Variants in TPCN1 observed in about 807,000 individuals in gnomAD.
TPCN1 encodes the protein two pore segment channel 1, also known as two pore channel protein 1.
A neutral mutation model predicts 108.8 loss-of-function variants in TPCN1; 52 were observed. The ratio of observed to expected loss-of-function variants is 0.48; its 90% confidence interval spans 0.38 to 0.60. The LOEUF is 0.60. Ranked by LOEUF, TPCN1 falls within the 20% of genes least tolerant of loss-of-function variation. The pLI is 0.00. For missense variants in TPCN1, 806 were observed against 1,072.8 expected, an observed-to-expected ratio of 0.75 and a Z score of 3.47; for synonymous variants, 446 against 433.7, an observed-to-expected ratio of 1.03 and a Z score of -0.35.
Position 113,279,391 on chromosome 12 carries a change from A to ATAT in TPCN1, c.1297+557_1297+558insATT, listed in dbSNP as rs1434381451. On this transcript the variant is annotated intron_variant, in intron 14 of 27. Coordinates refer to ENST00000335509, the MANE Select transcript of TPCN1 (RefSeq NM_017901.6). ...TATATATATATATATATATATATAT[A>ATAT]TTTTTTTTTTTTTTTTTTTTTTTTT... Among the ~76,000 whole-genome samples the ATAT allele has an allele frequency of 3.9e-3, 41 of 10,488 alleles. 1 individual carries two copies. The highest frequency in any genetic ancestry group is 0.011 in the South Asian group (1 of 92). 6.9% of individuals were successfully genotyped at this position (10,488 alleles called of 152,430 possible). A position where few individuals can be genotyped will look rare whatever the true frequency, so the allele number is the denominator to read the frequency against.
chr12:113,246,688 C>T (rs967924813), intron 2 of TPCN1, among the ~76,000 whole-genome samples: 3 of 152,174 alleles, frequency 2.0e-5, no homozygotes, highest in African/African-American at 4.8e-5. Context: ...GTGGTGAGGT[C>T]GTCCTGTCTT....
chr12:113,239,941 C>T (rs1312894336), intron 2 of TPCN1, among the ~76,000 whole-genome samples: 1 of 152,158 alleles, frequency 6.6e-6, no homozygotes. Flanking sequence ...TGGCTAATGG[C>T]TTGGAGCTGC....
chr12:113,288,226 G>C lies in TPCN1; in HGVS notation c.1698G>C (p.Arg566=). Reference sequence around the variant, plus strand: ...ACACCATGTTCGAGCTGCTGCCCCGGATGGCCAGGTACTGCCAGCCCCCAC... The same window carrying C: ...ACACCATGTTCGAGCTGCTGCCCCGCATGGCCAGGTACTGCCAGCCCCCAC... ...VLDTMFELLP[R]MASLGLTLLI... Residue 566 remains arginine (R), a synonymous_variant, in exon 20 of 28, where the codon CGG becomes CGC. Transcript: ENST00000335509. This position sits in a 1 kb window ranked among gnomAD's most constrained non-coding sequence, Gnocchi z 4.8. 1 of 1,613,862 alleles carries C rather than the reference G, an allele frequency of 6.2e-7. No individual in the cohort carries two copies. Among genetic ancestry groups the C allele is most frequent in the East Asian group, 2.2e-5 (1 of 44,870 alleles).
At chr12:113,238,946 C>T (rs1429630056) in intron 2 of TPCN1, among the ~76,000 whole-genome samples, 1 of 152,078 alleles carries the variant, frequency 6.6e-6, no homozygotes, top group Non-Finnish European at 1.5e-5. Flanking sequence ...GCTTGGACAA[C>T]ATAGTGAGAC....
In TPCN1 at chr12:113,297,951, C is replaced by T. The variant is rs1262506711; in HGVS notation, c.*1875C>T. ...GGGCCTCGCCTGGGCCCTTCTTCCT[C>T]CCCAGGGGTGGAAACGTGGAGGGGC... On this transcript the variant is annotated 3_prime_UTR_variant, in exon 28 of 28. Coordinates refer to ENST00000335509, the MANE Select transcript of TPCN1 (RefSeq NM_017901.6). The surrounding 1 kb of genome is among the most constrained non-coding windows in gnomAD (Gnocchi z 4.4). 1 of 152,378 alleles carries T rather than the reference C, an allele frequency of 6.6e-6. No homozygotes were observed. The highest frequency in any genetic ancestry group is 2.1e-4 in the South Asian group (1 of 4,828). The allele number at this position is 152,378 out of a possible 1,614,324, so 9.4% of individuals were successfully genotyped here.
intron 7 of TPCN1, among the ~76,000 whole-genome samples, chr12:113,270,517 G>A (rs554260172): frequency 1.3e-5 from 2 of 149,802 alleles, no homozygotes; most frequent in African/African-American, 4.9e-5. Context: ...GTCTCACCCT[G>A]TCACCCAGGC....
chr12:113,274,191 G>A (rs540728985), intron 10 of TPCN1, among the ~76,000 whole-genome samples: 6 of 152,272 alleles, frequency 3.9e-5, no homozygotes, highest in African/African-American at 7.2e-5. Flanking sequence ...GGTGGCTCAC[G>A]CCTGTAATCC....
At chr12:113,242,790 A>T (rs192593948) in intron 2 of TPCN1, among the ~76,000 whole-genome samples, 1 of 151,892 alleles carries the variant, frequency 6.6e-6, no homozygotes, top group Non-Finnish European at 1.5e-5. Context: ...ATACCTCCTC[A>T]TCCCTCATGC....
At chr12:113,270,734 CT>C (rs1271128413) in intron 7 of TPCN1, among the ~76,000 whole-genome samples, 1 of 152,154 alleles carries the variant, frequency 6.6e-6, no homozygotes, top group Non-Finnish European at 1.5e-5. Flanking sequence ...CTGCCTCCGC[CT>C]CCCAAAGTGC....
intron 27 of TPCN1, 38 bp from the exon 28 acceptor site, chr12:113,295,922 G>T: frequency 6.5e-7 from 1 of 1,532,582 alleles, no homozygotes; most frequent in Non-Finnish European, 8.8e-7. Flanking sequence ...CAGGGGGTGG[G>T]GTGCAGCCCT....
chr12:113,273,358 C>A lies in TPCN1; in HGVS notation c.842+68C>A. 2.0e-6 allele frequency: 3 copies of A among 1,525,542 alleles called. No individual in the cohort carries two copies. Among genetic ancestry groups the A allele is most frequent in the South Asian group, 1.1e-5 (1 of 89,206 alleles). 94.5% of individuals were successfully genotyped at this position (1,525,542 alleles called of 1,614,324 possible). On this transcript the variant is annotated intron_variant, in intron 9 of 27. Coordinates refer to ENST00000335509, the MANE Select transcript of TPCN1 (RefSeq NM_017901.6). The surrounding 1 kb of genome is among the most constrained non-coding windows in gnomAD (Gnocchi z 4.0). ...CCTGGGGTCTCTTTCTCTTTTCTGC[C>A]AAGTATATTCCACATCCCAGCACAG...
intron 2 of TPCN1, among the ~76,000 whole-genome samples, chr12:113,233,726 T>A (rs1017689807): frequency 6.6e-6 from 1 of 152,206 alleles, no homozygotes; most frequent in Non-Finnish European, 1.5e-5. Context: ...TCAGGCGGTA[T>A]CCAAAGCACT....
At chr12:113,265,209 C>T (rs184564075) in intron 3 of TPCN1, among the ~76,000 whole-genome samples, 2 of 152,188 alleles carry the variant, frequency 1.3e-5, no homozygotes, top group Non-Finnish European at 2.9e-5. Context: ...ATATAACTTA[C>T]GATAATAGCA....
chr12:113,287,678 G>A (rs1956127796), intron 19 of TPCN1, among the ~76,000 whole-genome samples: 1 of 152,232 alleles, frequency 6.6e-6, no homozygotes. Context: ...GGCGGGGCAG[G>A]TGCGGGGAGG....
intron 24 of TPCN1, 37 bp from the exon 25 acceptor site, chr12:113,291,837 C>T: frequency 8.7e-6 from 10 of 1,155,632 alleles, no homozygotes; most frequent in Non-Finnish European, 1.2e-5. Context: ...CCACCCTCCT[C>T]CCCTGCCTCT....
Position 113,293,055 on chromosome 12 carries a change from C to T in TPCN1, c.2235C>T (p.Ser745=). The change falls in exon 26 of 28, where the codon TCC becomes TCT. Residue 745 remains serine, a synonymous_variant. Coordinates refer to ENST00000335509, the MANE Select transcript of TPCN1 (RefSeq NM_017901.6). The part of the protein sequence containing the change: ...SDVTRLLETL[S]QMERYQQHSM... ...TCACCAGGCTGCTGGAGACCCTCTC[C>T]CAGATGGAGAGATACCAGGTGAGGA... is the stretch of plus-strand genomic sequence containing the variant. 1 of 1,612,470 alleles carries T rather than the reference C, an allele frequency of 6.2e-7. No individual in the cohort carries two copies. The highest frequency in any genetic ancestry group is 8.5e-7 in the Non-Finnish European group (1 of 1,179,610).
rs1955388921 is a variant in TPCN1 at position 113,268,948 on chromosome 12, G to T, written c.659+76G>T. The stretch of plus-strand genomic sequence containing the variant: ...CTCTGGGCCAGTGGGGCAGGAGCTT[G>T]TGAGTCAGTTAGTGATGAGGTCGAC... On this transcript the variant is annotated intron_variant, in intron 6 of 27. Coordinates refer to ENST00000335509, the MANE Select transcript of TPCN1 (RefSeq NM_017901.6). This position sits in a 1 kb window ranked among gnomAD's most constrained non-coding sequence, Gnocchi z 7.3. The T allele has an allele frequency of 2.4e-5, 38 of 1,569,946 alleles. No homozygotes were observed. The South Asian group carries it at 4.2e-4, about 17-fold the overall frequency.
chr12:113,239,937 A>G (rs945467538), intron 2 of TPCN1, among the ~76,000 whole-genome samples: 3 of 151,994 alleles, frequency 2.0e-5, no homozygotes, highest in Admixed American at 6.5e-5. Context: ...GTGCTGGCTA[A>G]TGGCTTGGAG....
chr12:113,291,316 G>A (rs193075739), intron 23 of TPCN1, among the ~76,000 whole-genome samples: 80 of 152,316 alleles, frequency 5.3e-4, no homozygotes, highest in Non-Finnish European at 1.0e-3. Context: ...ACAAAGTGGC[G>A]AGCATTGCTG....
Sources: allele counts gnomAD v4.1 joint callset (sites outside exome capture counted in the v4.1 genomes callset), GRCh38; gene constraint gnomAD v4.1.1; non-coding constraint Gnocchi (gnomAD v3.1); transcripts MANE v1.5; gene names NCBI Gene and HGNC (gene_info 2026-07-23, HGNC 2026-07-21).